The following KAT2B variants were observed in gnomAD, a reference collection of about 807,000 sequenced individuals.
KAT2B encodes the protein histone acetyltransferase KAT2B.
In KAT2B, 36 loss-of-function variants were observed where a neutral mutation model predicts 105.9. The observed-to-expected ratio is 0.34, with a 90% CI of 0.26 to 0.45. The LOEUF is 0.45. KAT2B is among the 20% of genes least tolerant of loss of function. The pLI is 1.00. For missense variants in KAT2B, 820 were observed against 1,021.6 expected, an observed-to-expected ratio of 0.80 and a Z score of 2.69; for synonymous variants, 397 against 377.9, an observed-to-expected ratio of 1.05 and a Z score of -0.59.
At chr3:20,054,161 G>A (rs1224523730) in intron 1 of KAT2B, among the ~76,000 whole-genome samples, 1 of 149,236 alleles carries the variant, frequency 6.7e-6, no homozygotes, top group African/African-American at 2.5e-5. Context: ...ACGGTGTCTC[G>A]CTCTGTCACC....
Position 20,125,994 on chromosome 3 carries a change from T to C in KAT2B, c.1503T>C (p.Asn501=), listed in dbSNP as rs1166433819. The C allele has an allele frequency of 1.2e-6, 2 of 1,613,898 alleles. No homozygotes were observed. The highest frequency in any genetic ancestry group is 1.7e-6 in the Non-Finnish European group (2 of 1,179,966). Residue 501 remains asparagine (N), a synonymous_variant, in exon 10 of 18, where the codon AAT becomes AAC. Coordinates refer to ENST00000263754, the MANE Select transcript of KAT2B (RefSeq NM_003884.5). ...TAATTGAATTTCACGTGGTTGGCAATTCCCTCAACCAGAAACCAAACAAGA... is the reference window on the plus strand; with the variant it reads ...TAATTGAATTTCACGTGGTTGGCAACTCCCTCAACCAGAAACCAAACAAGA... ...RGVIEFHVVG[N]SLNQKPNKKI... is the part of the protein sequence containing the mutation.
chr3:20,062,302 A>AGATAT (rs1559514569), intron 1 of KAT2B, among the ~76,000 whole-genome samples: 2 of 46,944 alleles, frequency 4.3e-5, no homozygotes, highest in Non-Finnish European at 9.1e-5. Context: ...ATAATATATA[A>AGATAT]AATATAATAT....
chr3:20,062,872 C>CGTT (rs766916682), intron 1 of KAT2B, among the ~76,000 whole-genome samples: 3 of 151,844 alleles, frequency 2.0e-5, no homozygotes, highest in Non-Finnish European at 2.9e-5. Flanking sequence ...TGTAAAATTT[C>CGTT]GTTGTTGTTG....
At chr3:20,130,547 A>G (rs1018642847) in intron 11 of KAT2B, among the ~76,000 whole-genome samples, 22 of 152,320 alleles carry the variant, frequency 1.4e-4, no homozygotes, top group African/African-American at 5.3e-4. Flanking sequence ...TTTCAAAGAT[A>G]GCTATACCAA....
At chr3:20,116,274 C>T (rs1188897713) in intron 7 of KAT2B, among the ~76,000 whole-genome samples, 1 of 152,078 alleles carries the variant, frequency 6.6e-6, no homozygotes, top group Admixed American at 6.6e-5. Flanking sequence ...TTCACTTTAC[C>T]TTGGATTTGA....
intron 2 of KAT2B, among the ~76,000 whole-genome samples, chr3:20,073,033 G>T (rs112550886): frequency 3.0e-4 from 46 of 152,060 alleles, no homozygotes; most frequent in African/African-American, 1.0e-3. Flanking sequence ...GTCAGTGATG[G>T]CTCAGTAGGC....
intron 11 of KAT2B, among the ~76,000 whole-genome samples, chr3:20,129,171 T>TA (rs1559326582): frequency 6.6e-6 from 1 of 152,058 alleles, no homozygotes; most frequent in Non-Finnish European, 1.5e-5. Context: ...AATATGAGGT[T>TA]ATAAAAGCAC....
chr3:20,136,792 A>G (rs1479046735), intron 11 of KAT2B, 150 bp from the exon 12 acceptor site: 1 of 411,832 alleles, frequency 2.4e-6, no homozygotes, highest in East Asian at 3.5e-5. Context: ...AACGCAAGAA[A>G]GGGTGTTAAT....
At chr3:20,124,084 T>C (rs1699356851) in intron 9 of KAT2B, among the ~76,000 whole-genome samples, 1 of 152,190 alleles carries the variant, frequency 6.6e-6, no homozygotes, top group Non-Finnish European at 1.5e-5. Flanking sequence ...TAGAAAAATC[T>C]CTTCCTAAAA....
rs1366045339 is a variant in KAT2B, at chr3:20,148,473, T to G, written c.2291T>G (p.Ile764Arg). ...RTEAPGYYEVIRFPMDLKTMS... is the reference protein window; with the variant it reads ...RTEAPGYYEVRRFPMDLKTMS... ...GAAGCTCCAGGATATTATGAAGTTA[T>G]AAGGTTCCCCATGGGTAATACCATT... Residue 764 changes from isoleucine (I) to arginine (R), a missense_variant, in exon 17 of 18, where the codon ATA becomes AGA. This residue lies in a region of KAT2B where 227 missense variants were observed against 292.9 expected (regional missense o/e 0.77). Transcript: ENST00000263754. 1 of 1,601,378 alleles carries G rather than the reference T, an allele frequency of 6.2e-7. No individual in the cohort carries two copies. The highest frequency in any genetic ancestry group is 8.5e-7 in the Non-Finnish European group (1 of 1,175,884).
At chr3:20,051,595 G>A (rs1385228481) in intron 1 of KAT2B, among the ~76,000 whole-genome samples, 1 of 152,170 alleles carries the variant, frequency 6.6e-6, no homozygotes, top group Admixed American at 6.5e-5. Flanking sequence ...GGGCCTAGTT[G>A]ATAGAGATGT....
Position 20,043,646 on chromosome 3 carries a change from G to A in KAT2B, c.303+2866G>A, listed in dbSNP as rs568488694. Among the ~76,000 whole-genome samples the A allele has an allele frequency of 5.3e-4, 80 of 152,252 alleles. 1 individual carries two copies. Among genetic ancestry groups the A allele is most frequent in the Non-Finnish European group, 7.8e-4 (53 of 68,030 alleles). On this transcript the variant is annotated intron_variant, in intron 1 of 17. Transcript: ENST00000263754. ...AGACCTTTGTTGCCTAGGGCCACCG[G>A]CTGGGGTGCGTGGCCAAGAGGGCAC...
At chr3:20,125,454 A>G (rs1307218370) in intron 9 of KAT2B, among the ~76,000 whole-genome samples, 2 of 152,210 alleles carry the variant, frequency 1.3e-5, no homozygotes, top group Admixed American at 6.5e-5. Context: ...CCCACAGGCC[A>G]CATTTTGTCT....
chr3:20,068,862 A>G (rs1034312041), intron 1 of KAT2B, among the ~76,000 whole-genome samples: 1 of 152,004 alleles, frequency 6.6e-6, no homozygotes, highest in South Asian at 2.1e-4. Flanking sequence ...TTCTTTCTCT[A>G]ACTTAAGGTC....
chr3:20,122,941 A>C (rs1322107628), intron 9 of KAT2B, 137 bp downstream of exon 9: 1 of 1,371,640 alleles, frequency 7.3e-7, no homozygotes, highest in Non-Finnish European at 9.4e-7. Flanking sequence ...CCTGGTGGTC[A>C]GTGTGGAGAG....
Position 20,092,638 on chromosome 3 carries a change from T to A in KAT2B, c.431-2625T>A, listed in dbSNP as rs1446925879. 3.9e-5 allele frequency among the ~76,000 whole-genome samples: 6 copies of A among 152,046 alleles called. No individual in the cohort carries two copies. The South Asian group carries it at 1.2e-3, about 31-fold the overall frequency. On this transcript the variant is annotated intron_variant, in intron 2 of 17. Coordinates refer to ENST00000263754, the MANE Select transcript of KAT2B (RefSeq NM_003884.5). The stretch of plus-strand genomic sequence containing the variant: ...TACATGTGTATTTACAGTTGTTATA[T>A]CCTCTTGATGAATTGATCCCTTTAT...
intron 12 of KAT2B, among the ~76,000 whole-genome samples, chr3:20,138,194 TTTGA>T (rs1405027866): frequency 1.3e-5 from 2 of 152,232 alleles, no homozygotes. Context: ...CTGTTAATGC[TTTGA>T]TTTTTTTATT....
chr3:20,122,377 C>T lies in KAT2B; in HGVS notation c.1277-291C>T, dbSNP rs115722607. Among the ~76,000 whole-genome samples the T allele has an allele frequency of 5.1e-3, 776 of 152,272 alleles. 5 individuals are homozygous for T. Among genetic ancestry groups the T allele is most frequent in the African/African-American group, 0.018 (732 of 41,546 alleles). Reference sequence around the variant, plus strand: ...ATTAGAGAGTACTAACAAACAATAGCTAGAATCACCCCTTTGCATTTGCAG... The same window carrying T: ...ATTAGAGAGTACTAACAAACAATAGTTAGAATCACCCCTTTGCATTTGCAG... On this transcript the variant is annotated intron_variant, in intron 8 of 17. Transcript: ENST00000263754.
intron 1 of KAT2B, among the ~76,000 whole-genome samples, chr3:20,054,116 GTTTTTGT>G (rs1559511467): frequency 1.4e-5 from 2 of 147,566 alleles, no homozygotes; most frequent in African/African-American, 2.5e-5. Context: ...ATTTTTTTTT[GTTTTTGT>G]TTTTTGTTTT....
Sources: allele counts gnomAD v4.1 joint callset (sites outside exome capture counted in the v4.1 genomes callset), GRCh38; gene constraint gnomAD v4.1.1; regional missense constraint gnomAD v4.1.1; transcripts MANE v1.5; gene names NCBI Gene and HGNC (gene_info 2026-07-23, HGNC 2026-07-21).